The following MARF1 variants were observed in gnomAD, a reference collection of about 807,000 sequenced individuals.
The protein encoded by MARF1 is limkain-b1.
MARF1 carries 24 observed loss-of-function variants against 168.2 expected under a neutral mutation model. That is an observed-to-expected ratio of 0.14 (90% CI 0.10 to 0.20). MARF1 has a LOEUF of 0.20. MARF1 is among the 10% of genes least tolerant of loss of function. The pLI is 1.00. For synonymous variants in MARF1, 868 were observed against 822.4 expected, an observed-to-expected ratio of 1.06 and a Z score of -0.95; for missense variants, 1,744 against 2,143.6, an observed-to-expected ratio of 0.81 and a Z score of 3.68.
intron 10 of MARF1, 44 bp from the exon 11 acceptor site, chr16:15,623,167 T>A: frequency 6.9e-7 from 1 of 1,443,922 alleles, no homozygotes; most frequent in Non-Finnish European, 9.4e-7. Context: ...AAAACTGTTC[T>A]GTATATTTAG....
intron 19 of MARF1, among the ~76,000 whole-genome samples, chr16:15,610,028 A>G (rs929927057): frequency 1.3e-5 from 2 of 152,174 alleles, no homozygotes; most frequent in South Asian, 2.1e-4. Context: ...CCCCTGCCCC[A>G]TATCTATTAA....
intron 22 of MARF1, 52 bp downstream of exon 22, chr16:15,604,116 G>A: frequency 7.4e-7 from 1 of 1,356,022 alleles, no homozygotes. Context: ...ATCCGGAAAT[G>A]CCCAATCGAT....
At chr16:15,614,995 G>C (rs1332118368) in intron 16 of MARF1, among the ~76,000 whole-genome samples, 1 of 152,054 alleles carries the variant, frequency 6.6e-6, no homozygotes, top group East Asian at 1.9e-4. Flanking sequence ...TGGCCAGGCT[G>C]GTCTTGAACT....
intron 11 of MARF1, among the ~76,000 whole-genome samples, chr16:15,622,511 C>T (rs77775871): frequency 1.2e-4 from 19 of 152,050 alleles, no homozygotes; most frequent in African/African-American, 2.9e-4. Flanking sequence ...CCTGCCTTAG[C>T]CTCCTAAGGA....
intron 13 of MARF1, among the ~76,000 whole-genome samples, chr16:15,617,893 C>T (rs2034182607): frequency 1.3e-5 from 2 of 152,192 alleles, no homozygotes; most frequent in African/African-American, 4.8e-5. Flanking sequence ...ATTCTCCCCT[C>T]TCAGAAGTAT....
Position 15,620,999 on chromosome 16 carries a change from T to G in MARF1, c.2640-468A>C, listed in dbSNP as rs917210304. On this transcript the variant is annotated intron_variant, in intron 12 of 26. Coordinates refer to ENST00000396368, the MANE Select transcript of MARF1 (RefSeq NM_014647.4). Reference sequence around the variant, plus strand: ...TGCCAAACTGTTAAGTGCAATTGGCTTTGGGCCATAGGCCTGTGGATGGTT... The same window carrying G: ...TGCCAAACTGTTAAGTGCAATTGGCGTTGGGCCATAGGCCTGTGGATGGTT... 9.8e-5 allele frequency among the ~76,000 whole-genome samples: 15 copies of G among 152,314 alleles called. 1 individual carries two copies. The highest frequency in any genetic ancestry group is 7.2e-4 in the Admixed American group (11 of 15,306).
At chr16:15,634,536 T>C (rs2035458319) in intron 4 of MARF1, among the ~76,000 whole-genome samples, 2 of 152,160 alleles carry the variant, frequency 1.3e-5, no homozygotes, top group African/African-American at 4.8e-5. Context: ...CCAATTTTTC[T>C]ATACACAGCT....
At chr16:15,640,510 C>T (rs1189652711) in intron 1 of MARF1, among the ~76,000 whole-genome samples, 1 of 152,148 alleles carries the variant, frequency 6.6e-6, no homozygotes, top group Non-Finnish European at 1.5e-5. Flanking sequence ...TCCCAACCAG[C>T]CTGGGCAACA....
chr16:15,610,167 A>G (rs1419555961), intron 19 of MARF1: 1 of 155,306 alleles, frequency 6.4e-6, no homozygotes, highest in Non-Finnish European at 1.4e-5. Context: ...TGCTAGCAGA[A>G]GAGAGAATCA....
At chr16:15,615,797 T>C (rs749701038) in intron 16 of MARF1, 33 bp downstream of exon 16, 1 of 1,463,834 alleles carries the variant, frequency 6.8e-7, no homozygotes, top group Non-Finnish European at 9.1e-7. Flanking sequence ...AGTGGACAGG[T>C]GGTAGCTCCA....
At chr16:15,629,804 C>T (rs2035128438) in intron 7 of MARF1, among the ~76,000 whole-genome samples, 1 of 152,218 alleles carries the variant, frequency 6.6e-6, no homozygotes, top group African/African-American at 2.4e-5. Context: ...ACAGGCTACA[C>T]ACAGGTGGAG....
chr16:15,628,405 C>A (rs562232472), intron 7 of MARF1, among the ~76,000 whole-genome samples: 8 of 151,490 alleles, frequency 5.3e-5, no homozygotes, highest in Non-Finnish European at 1.2e-4. Flanking sequence ...CTATTCTTTT[C>A]TTTCTTTTTT....
At chr16:15,640,567 A>G (rs908897566) in intron 1 of MARF1, among the ~76,000 whole-genome samples, 1 of 152,192 alleles carries the variant, frequency 6.6e-6, no homozygotes, top group Non-Finnish European at 1.5e-5. Flanking sequence ...GTGGTGGTGC[A>G]TGCCTGTAGC....
rs183115135 is a variant in MARF1 at position 15,613,812 on chromosome 16, C to T, written c.3254-1035G>A. ...CAGAGGGAAAAGAAAGGAGGTGTCC[C>T]GTAAGAAACCTGAGTACACACATTC... On this transcript the variant is annotated intron_variant, in intron 16 of 26. Coordinates refer to ENST00000396368, the MANE Select transcript of MARF1 (RefSeq NM_014647.4). 7.4e-3 allele frequency among the ~76,000 whole-genome samples: 1,127 copies of T among 152,088 alleles called. 15 individuals are homozygous for T. The highest frequency in any genetic ancestry group is 0.026 in the African/African-American group (1,082 of 41,476).
intron 7 of MARF1, among the ~76,000 whole-genome samples, chr16:15,628,271 T>A (rs2035011063): frequency 1.3e-5 from 2 of 152,188 alleles, no homozygotes; most frequent in South Asian, 4.1e-4. Flanking sequence ...GTACATTTTT[T>A]AAATCTGGAG....
At chr16:15,605,059 T>C (rs2032886147) in intron 21 of MARF1, among the ~76,000 whole-genome samples, 1 of 152,190 alleles carries the variant, frequency 6.6e-6, no homozygotes, top group South Asian at 2.1e-4. Context: ...AAGACAGAGA[T>C]TGTCACTTGG....
rs546105630 is a variant in MARF1 at position 15,641,645 on chromosome 16, T to C, written c.-59+1373A>G. The stretch of plus-strand genomic sequence containing the variant: ...AAACCCAGACGGTGGGATCCTCTTA[T>C]ATAATTTTTGCAATAATCCTGTGAA... On this transcript the variant is annotated intron_variant, in intron 1 of 26. Coordinates refer to ENST00000396368, the MANE Select transcript of MARF1 (RefSeq NM_014647.4). Among the ~76,000 whole-genome samples, 109 of 152,328 alleles carry C rather than the reference T, an allele frequency of 7.2e-4. 2 individuals are homozygous for C. In the South Asian group the frequency reaches 8.5e-3, roughly 12 times the overall value.
chr16:15,625,651 T>C lies in MARF1; in HGVS notation c.1674A>G (p.Gln558=). The change falls in exon 8 of 27, where the codon CAA becomes CAG. Residue 558 remains glutamine, a synonymous_variant. Coordinates refer to ENST00000396368, the MANE Select transcript of MARF1 (RefSeq NM_014647.4). ...GCTTCTGAGCGCGCTCTGCACTATC[T>C]TGGTTTATGAAGCGGAGAATTGCAC... ...GCSAILRFIN[Q]DSAERAQKRM... 2 of 1,614,246 alleles carry C rather than the reference T, an allele frequency of 1.2e-6. No individual in the cohort carries two copies. Among genetic ancestry groups the C allele is most frequent in the Non-Finnish European group, 1.7e-6 (2 of 1,180,052 alleles).
In MARF1 at chr16:15,602,087, C is replaced by T. The variant is rs753957830; in HGVS notation, c.4530G>A (p.Glu1510=). 6.2e-7 allele frequency: 1 copy of T among 1,614,182 alleles called. No individual in the cohort carries two copies. Among genetic ancestry groups the T allele is most frequent in the Non-Finnish European group, 8.5e-7 (1 of 1,180,034 alleles). Residue 1510 remains glutamate (E), a synonymous_variant, in exon 23 of 27, where the codon GAG becomes GAA. Transcript: ENST00000396368. ...CATACTTGGTATAGGCCATGGAAAACTCATGAAGGAAAATCTGCTGGTAGT... is the reference window on the plus strand; with the variant it reads ...CATACTTGGTATAGGCCATGGAAAATTCATGAAGGAAAATCTGCTGGTAGT... The part of the protein sequence containing the change: ...TYHYQQIFLH[E]FSMAYTKYVG...
Sources: allele counts gnomAD v4.1 joint callset (sites outside exome capture counted in the v4.1 genomes callset), GRCh38; gene constraint gnomAD v4.1.1; transcripts MANE v1.5; gene names NCBI Gene and HGNC (gene_info 2026-07-23, HGNC 2026-07-21).